ALG12: variants seen among roughly 807,000 people sequenced by gnomAD.
ALG12 encodes dol-P-Man:Man(7)GlcNAc(2)-PP-Dol alpha-1,6-mannosyltransferase.
In ALG12, 36 loss-of-function variants were observed where a neutral mutation model predicts 46.0. The ratio of observed to expected loss-of-function variants is 0.78; its 90% CI spans 0.60 to 1.03. The LOEUF is 1.03. Among genes scored for constraint, ALG12 ranks in the 50% least tolerant of loss-of-function variants. ALG12 has a pLI of 0.00. For missense variants in ALG12, 599 were observed against 633.5 expected, an observed-to-expected ratio of 0.95 and a Z score of 0.58; for synonymous variants, 326 against 291.6, an observed-to-expected ratio of 1.12 and a Z score of -1.20.
rs1039673504 is a variant in ALG12, at chr22:49,904,211, C to G, written c.1206G>C (p.Val402=). 6.2e-7 allele frequency: 1 copy of G among 1,614,098 alleles called. No individual in the cohort carries two copies. The highest frequency in any genetic ancestry group is 1.3e-5 in the African/African-American group (1 of 74,928). Residue 402 remains valine (V), a synonymous_variant, in exon 9 of 10, where the codon GTG becomes GTC. Coordinates refer to ENST00000330817, the MANE Select transcript of ALG12 (RefSeq NM_024105.4). ...CGCTGTTGACTTGGAGAAACCGAGA[C>G]ACACCTGTCTGGGCGGCTGCCACGT... ...HIDVAAAQTG[V]SRFLQVNSAW...
the ALG12 span, chr22:49,888,269 A>G: frequency 0.66 from 110,206 of 166,866 alleles, 40,838 homozygotes; most frequent in East Asian, 0.85. Flanking sequence ...CTCATTTTAA[A>G]CCAATTAAAT....
rs556304646 is a variant in ALG12, at chr22:49,906,933, G to A, written c.992+788C>T. On this transcript the variant is annotated intron_variant, in intron 7 of 9. Transcript: ENST00000330817. This position sits in a 1 kb window ranked among gnomAD's most constrained non-coding sequence, Gnocchi z 4.4. The stretch of plus-strand genomic sequence containing the variant: ...GCTTGCAACACTGAGTGGCAGCCGC[G>A]CTCAGACCACCCCACCCTCAGCCCA... 4.6e-5 allele frequency among the ~76,000 whole-genome samples: 7 copies of A among 152,160 alleles called. No individual in the cohort carries two copies. The highest frequency in any genetic ancestry group is 2.1e-4 in the South Asian group (1 of 4,824).
intron 1 of ALG12, 141 bp from the exon 2 acceptor site, chr22:49,913,984 G>C: frequency 1.6e-6 from 1 of 611,668 alleles, no homozygotes; most frequent in South Asian, 1.9e-5. Context: ...CATCAAGATG[G>C]AAAGTTTGGA....
chr22:49,898,787 C>A (rs558297626), downstream of ALG12, among the ~76,000 whole-genome samples: 2 of 152,208 alleles, frequency 1.3e-5, no homozygotes, highest in African/African-American at 4.8e-5. Flanking sequence ...GGGTCTCTCT[C>A]CATCACTCAG....
the ALG12 span, among the ~76,000 whole-genome samples, chr22:49,875,852 C>T: frequency 6.6e-6 from 1 of 151,912 alleles, no homozygotes; most frequent in Non-Finnish European, 1.5e-5. Flanking sequence ...ATTCTGTCTT[C>T]TCCATTTTTT....
the ALG12 span, among the ~76,000 whole-genome samples, chr22:49,864,687 G>A: frequency 6.6e-6 from 1 of 152,058 alleles, no homozygotes. Flanking sequence ...CAGGTGTGGT[G>A]ACACTCAGGT....
the ALG12 span, among the ~76,000 whole-genome samples, chr22:49,891,159 C>T: frequency 6.6e-6 from 1 of 152,220 alleles, no homozygotes; most frequent in African/African-American, 2.4e-5. Context: ...GCCACTTCTA[C>T]CTCTTGGTAG....
intron 6 of ALG12, among the ~76,000 whole-genome samples, chr22:49,908,239 CAG>C (rs954317098): frequency 6.6e-6 from 1 of 152,148 alleles, no homozygotes; most frequent in African/African-American, 2.4e-5. Context: ...CTGTTAAAAA[CAG>C]ATGGTCGGCC....
In ALG12 at chr22:49,909,912, C is replaced by T. The variant is rs1305792452; in HGVS notation, c.646G>A (p.Ala216Thr). ...VVRALRHAVP[A>T]GILCLGLTVA... ...GACTTACCTAAACAGAGGATCCCTG[C>T]CGGGACGGCGTGGCGAAGGGCTCTG... is the stretch of plus-strand genomic sequence containing the variant. Residue 216 changes from alanine to threonine, a missense_variant, in exon 5 of 10, where the codon GCA (alanine) becomes ACA (threonine). Physicochemically the swap from Ala to Thr is moderately conservative, Grantham distance 58. Transcript: ENST00000330817. 1.9e-6 allele frequency: 3 copies of T among 1,614,034 alleles called. No homozygotes were observed. The African/African-American group carries it at 4.0e-5, about 22-fold the overall frequency.
chr22:49,889,043 CA>C, the ALG12 span: 1 of 167,318 alleles, frequency 6.0e-6, no homozygotes, highest in African/African-American at 2.4e-5. Context: ...ATTTTCTCTC[CA>C]AAACAAGCCA....
At chr22:49,864,947 C>CCCCCG in the ALG12 span, among the ~76,000 whole-genome samples, 758 of 91,690 alleles carry the variant, frequency 8.3e-3, 50 homozygotes, top group South Asian at 0.034. Flanking sequence ...GCCCCCCCCC[C>CCCCCG]CCCCCGTGAA....
At chr22:49,908,037 G>T in intron 6 of ALG12, 93 bp from the exon 7 acceptor site, 1 of 1,293,290 alleles carries the variant, frequency 7.7e-7, no homozygotes. Context: ...CTTGAAGACA[G>T]TTGTGCTGAG....
chr22:49,910,700 T>G (rs912911991), intron 3 of ALG12, 93 bp from the exon 4 acceptor site: 11 of 1,441,256 alleles, frequency 7.6e-6, no homozygotes, highest in African/African-American at 1.4e-5. Context: ...TCTTTCTATA[T>G]GGAGTTTTCT....
intron 3 of ALG12, 110 bp from the exon 4 acceptor site, chr22:49,910,717 C>A: frequency 7.7e-7 from 1 of 1,299,318 alleles, no homozygotes; most frequent in Non-Finnish European, 1.1e-6. Flanking sequence ...TTCTATGCTG[C>A]TGCAATGCCA....
intron 7 of ALG12, among the ~76,000 whole-genome samples, chr22:49,907,485 C>T (rs1364132344): frequency 6.6e-6 from 1 of 152,198 alleles, no homozygotes; most frequent in Non-Finnish European, 1.5e-5. Context: ...CTGTGTTTAT[C>T]TTAAAAAACA....
At chr22:49,908,796 A>C (rs1209657046) in intron 6 of ALG12, among the ~76,000 whole-genome samples, 1 of 150,710 alleles carries the variant, frequency 6.6e-6, no homozygotes, top group African/African-American at 2.5e-5. Flanking sequence ...TACTAAAAAT[A>C]CAAAAATTAG....
the ALG12 span, chr22:49,888,653 G>A: frequency 1.7e-3 from 292 of 167,348 alleles, 1 homozygote; most frequent in South Asian, 4.8e-3. Flanking sequence ...TTCAAGTGGT[G>A]CCAGAATGCA....
chr22:49,913,938 T>C, intron 1 of ALG12, 95 bp from the exon 2 acceptor site: 1 of 778,580 alleles, frequency 1.3e-6, no homozygotes, highest in Non-Finnish European at 2.1e-6. Context: ...TTCTCTGAAC[T>C]ACTGTCTTAG....
chr22:49,891,384 A>G, the ALG12 span, among the ~76,000 whole-genome samples: 1 of 152,166 alleles, frequency 6.6e-6, no homozygotes, highest in Non-Finnish European at 1.5e-5. Flanking sequence ...ACCAGTTGAG[A>G]TGTCTGTGGT....
Sources: allele counts gnomAD v4.1 joint callset (sites outside exome capture counted in the v4.1 genomes callset), GRCh38; gene constraint gnomAD v4.1.1; non-coding constraint Gnocchi (gnomAD v3.1); transcripts MANE v1.5; gene names NCBI Gene and HGNC (gene_info 2026-07-23, HGNC 2026-07-21).